Variants in SLCO1B1 observed in about 807,000 individuals in gnomAD.
The protein encoded by SLCO1B1 is solute carrier organic anion transporter family member 1B1.
SLCO1B1 carries 81 observed loss-of-function variants against 70.1 expected under a neutral mutation model. The ratio of observed to expected loss-of-function variants is 1.16; its 90% CI spans 0.97 to 1.39. The LOEUF (loss-of-function observed/expected upper bound fraction) is 1.39, where lower values mean the gene tolerates loss of function less well. Ranked by LOEUF, SLCO1B1 falls within the 40% of genes most tolerant of loss-of-function variation. The pLI is 0.00. For missense variants in SLCO1B1, 895 were observed against 799.6 expected, an observed-to-expected ratio of 1.12 and a Z score of -1.44; for synonymous variants, 283 against 271.5, an observed-to-expected ratio of 1.04 and a Z score of -0.42.
chr12:21,144,607 A>G (rs1940356854), intron 2 of SLCO1B1, among the ~76,000 whole-genome samples: 1 of 152,112 alleles, frequency 6.6e-6, no homozygotes, highest in Non-Finnish European at 1.5e-5. Flanking sequence ...CAAGACACAT[A>G]ATCATCAGAT....
At chr12:21,148,484 T>A (rs1388126947) in intron 2 of SLCO1B1, among the ~76,000 whole-genome samples, 1 of 152,096 alleles carries the variant, frequency 6.6e-6, no homozygotes, top group African/African-American at 2.4e-5. Flanking sequence ...TTTCCATTGC[T>A]TTTTTTGGTC....
chr12:21,159,594 T>C (rs1454284542), intron 2 of SLCO1B1, among the ~76,000 whole-genome samples: 3 of 152,144 alleles, frequency 2.0e-5, no homozygotes, highest in Non-Finnish European at 4.4e-5. Flanking sequence ...TAAAAGTAAA[T>C]TGAGAAAATT....
At position 21,206,000 on chromosome 12, in the gene SLCO1B1, T is replaced by C; in HGVS notation, c.1464T>C (p.Gly488=). The change falls in exon 11 of 15, where the codon GGT becomes GGC. Residue 488 remains glycine (G), a synonymous_variant. Coordinates refer to ENST00000256958, the MANE Select transcript of SLCO1B1 (RefSeq NM_006446.5). The part of the protein sequence containing the change: ...GITYISPCLA[G]CKSSSGNKKP... The stretch of plus-strand genomic sequence containing the variant: ...CTTACATCTCACCCTGTCTAGCAGG[T>C]TGCAAATCTTCAAGTGGCAATAAAA... 3 of 1,612,140 alleles carry C rather than the reference T, an allele frequency of 1.9e-6. No individual in the cohort carries two copies. The highest frequency in any genetic ancestry group is 2.2e-5 in the South Asian group (2 of 91,036).
chr12:21,193,977 G>C (rs1392653737), intron 7 of SLCO1B1, among the ~76,000 whole-genome samples: 5 of 152,124 alleles, frequency 3.3e-5, no homozygotes, highest in African/African-American at 1.2e-4. Flanking sequence ...ATTTTTAGTA[G>C]AGATGGGGTT....
intron 12 of SLCO1B1, among the ~76,000 whole-genome samples, chr12:21,219,106 A>G (rs1415918335): frequency 1.3e-5 from 2 of 152,186 alleles, no homozygotes; most frequent in African/African-American, 4.8e-5. Context: ...GAAGGAATGA[A>G]TGTGTGTAGC....
chr12:21,198,795 G>C (rs902932844), intron 8 of SLCO1B1, among the ~76,000 whole-genome samples: 2 of 152,088 alleles, frequency 1.3e-5, no homozygotes, highest in African/African-American at 4.8e-5. Context: ...AAGGTACTTA[G>C]TTTAATGCCA....
At chr12:21,196,413 G>C (rs914339813) in intron 7 of SLCO1B1, among the ~76,000 whole-genome samples, 1 of 152,008 alleles carries the variant, frequency 6.6e-6, no homozygotes, top group African/African-American at 2.4e-5. Context: ...TAACTCTTCA[G>C]GGTTACTTTT....
At chr12:21,158,718 T>C (rs1940574095) in intron 2 of SLCO1B1, among the ~76,000 whole-genome samples, 1 of 152,060 alleles carries the variant, frequency 6.6e-6, no homozygotes, top group Admixed American at 6.6e-5. Context: ...TCTCACATTA[T>C]TGTAAATACT....
rs117881781 is a variant in SLCO1B1, at chr12:21,226,318, G to T, written c.1865+1479G>T. Among the ~76,000 whole-genome samples, 675 of 152,054 alleles carry T rather than the reference G, an allele frequency of 4.4e-3. 30 individuals are homozygous for T. In the East Asian group the frequency reaches 0.1, roughly 22 times the overall value. ...AATTTCAGCTACTTGGGAGGCTAAAGCACAAGAATCCCTTGAACCCAGGAG... is the reference window on the plus strand; with the variant it reads ...AATTTCAGCTACTTGGGAGGCTAAATCACAAGAATCCCTTGAACCCAGGAG... On this transcript the variant is annotated intron_variant, in intron 14 of 14. Coordinates refer to ENST00000256958, the MANE Select transcript of SLCO1B1 (RefSeq NM_006446.5).
intron 2 of SLCO1B1, among the ~76,000 whole-genome samples, chr12:21,146,802 A>G (rs998656321): frequency 3.9e-5 from 6 of 152,242 alleles, no homozygotes; most frequent in Non-Finnish European, 5.9e-5. Flanking sequence ...AGAAGACATT[A>G]TTAGTTTAAA....
intron 14 of SLCO1B1, among the ~76,000 whole-genome samples, chr12:21,226,243 G>C (rs891027958): frequency 6.6e-6 from 1 of 151,674 alleles, no homozygotes; most frequent in Non-Finnish European, 1.5e-5. Context: ...ACAAAACCCT[G>C]TCTCTACTAA....
intron 1 of SLCO1B1, among the ~76,000 whole-genome samples, chr12:21,137,940 G>A (rs1206414873): frequency 1.3e-5 from 2 of 152,194 alleles, no homozygotes; most frequent in Non-Finnish European, 2.9e-5. Context: ...CATGCTGGGA[G>A]CTGTAGACCA....
chr12:21,163,207 T>A (rs1306226337), intron 2 of SLCO1B1, among the ~76,000 whole-genome samples: 1 of 152,188 alleles, frequency 6.6e-6, no homozygotes, highest in Non-Finnish European at 1.5e-5. Flanking sequence ...ATACCTTCTT[T>A]CTTTTAATGA....
intron 14 of SLCO1B1, among the ~76,000 whole-genome samples, chr12:21,226,843 G>A (rs1054935038): frequency 3.9e-5 from 6 of 151,990 alleles, no homozygotes; most frequent in African/African-American, 1.5e-4. Context: ...CATACTTTCT[G>A]TACAGTTTTT....
intron 1 of SLCO1B1, among the ~76,000 whole-genome samples, chr12:21,131,477 T>C (rs1019039026): frequency 6.6e-6 from 1 of 151,956 alleles, no homozygotes; most frequent in Non-Finnish European, 1.5e-5. Context: ...AAATATAAAG[T>C]TTCAAATCTT....
rs113181470 is a variant in SLCO1B1 at position 21,158,219 on chromosome 12, A to G, written c.85-14431A>G. Among the ~76,000 whole-genome samples the G allele has an allele frequency of 8.5e-5, 13 of 152,312 alleles. 1 individual carries two copies. The highest frequency in any genetic ancestry group is 3.3e-4 in the Admixed American group (5 of 15,298). On this transcript the variant is annotated intron_variant, in intron 2 of 14. Coordinates refer to ENST00000256958, the MANE Select transcript of SLCO1B1 (RefSeq NM_006446.5). ...ATTCCTAAGTATATTAAGTAAAGTA[A>G]TAGCTATTAATATGTTGACGTCATT...
rs563483670 is a variant in SLCO1B1, at chr12:21,136,477, G to A, written c.-61-5037G>A. On this transcript the variant is annotated intron_variant, in intron 1 of 14. Coordinates refer to ENST00000256958, the MANE Select transcript of SLCO1B1 (RefSeq NM_006446.5). ...TCACTTTCAGGTACACCAATCAGACGTAGATTTGGTCTTTTCACATAGTCC... is the reference window on the plus strand; with the variant it reads ...TCACTTTCAGGTACACCAATCAGACATAGATTTGGTCTTTTCACATAGTCC... 2.4e-4 allele frequency among the ~76,000 whole-genome samples: 37 copies of A among 152,164 alleles called. 1 individual carries two copies. Among genetic ancestry groups the A allele is most frequent in the East Asian group, 1.2e-3 (6 of 5,176 alleles).
Position 21,192,561 on chromosome 12 carries a change from TG to T in SLCO1B1, c.728-4384del, listed in dbSNP as rs546635812. ...TTAGTTGTGTTGATATTTTTTCTAA[TG>T]TTTTTTTTTCCATATTCTTTATTGT... On this transcript the variant is annotated intron_variant, in intron 7 of 14. Transcript: ENST00000256958. 4.4e-3 allele frequency among the ~76,000 whole-genome samples: 673 copies of T among 151,792 alleles called. 5 individuals carry two copies. Among genetic ancestry groups the T allele is most frequent in the Non-Finnish European group, 5.2e-3 (355 of 67,860 alleles).
At chr12:21,207,408 A>G (rs779455717) in intron 11 of SLCO1B1, among the ~76,000 whole-genome samples, 2 of 151,826 alleles carry the variant, frequency 1.3e-5, no homozygotes, top group Admixed American at 6.6e-5. Flanking sequence ...TTCTGTTCCT[A>G]TGTTAATTCA....
Sources: gnomAD v4.1 joint callset for allele counts (sites outside exome capture counted in the v4.1 genomes callset) on GRCh38, gnomAD v4.1.1 for gene constraint, MANE v1.5 for transcripts, NCBI Gene and HGNC (gene_info 2026-07-23, HGNC 2026-07-21) for gene names.